NEK9: variants seen among roughly 807,000 people sequenced by gnomAD.
NEK9 encodes the protein serine/threonine-protein kinase Nek9.
NEK9 carries 75 observed loss-of-function variants against 123.4 expected under a neutral mutation model. The ratio of observed to expected loss-of-function variants is 0.61; its 90% CI spans 0.50 to 0.74. The LOEUF is 0.74. NEK9 is among the 30% of genes least tolerant of loss of function. The pLI is 0.00. For missense variants in NEK9, 952 were observed against 1,214.4 expected, an observed-to-expected ratio of 0.78 and a Z score of 3.21; for synonymous variants, 438 against 458.7, an observed-to-expected ratio of 0.95 and a Z score of 0.58.
In NEK9 at chr14:75,124,074, C is replaced by T. The variant is rs56376695; in HGVS notation, c.369G>A (p.Thr123=). 7.4e-4 allele frequency: 1,195 copies of T among 1,613,552 alleles called. 19 individuals carry two copies. The East Asian group carries it at 0.021, about 28-fold the overall frequency. ...TACAATATTCCAGCTCAATCAGCAG[C>T]GTGGTATTGTCCATGAAGTGATTGT... ...AYYNHFMDNT[T]LLIELEYCNG... Residue 123 remains threonine (T), a synonymous_variant, in exon 2 of 22, where the codon ACG becomes ACA. Coordinates refer to ENST00000238616, the MANE Select transcript of NEK9 (RefSeq NM_033116.6).
chr14:75,084,033 C>T lies in NEK9; in HGVS notation c.*531G>A, dbSNP rs1769887977. 6.4e-6 allele frequency: 1 copy of T among 155,826 alleles called. No homozygotes were observed. Among genetic ancestry groups the T allele is most frequent in the Admixed American group, 6.2e-5 (1 of 16,118 alleles). 9.7% of individuals were successfully genotyped at this position (155,826 alleles called of 1,614,324 possible). A position where few individuals can be genotyped will look rare whatever the true frequency, so the allele number is the denominator to read the frequency against. On this transcript the variant is annotated 3_prime_UTR_variant, in exon 22 of 22. Transcript: ENST00000238616. ...CAAGCCCTAGATTGACTCCATCAGA[C>T]ATATTTTCCTGGACTCAGGGCTCCC...
upstream of NEK9, chr14:75,127,149 T>G: frequency 4.3e-6 from 2 of 467,228 alleles, no homozygotes; most frequent in East Asian, 7.3e-5. Context: ...CGGCCAAGGC[T>G]TCCCGCTTTC....
intron 6 of NEK9, among the ~76,000 whole-genome samples, chr14:75,116,176 G>A (rs1895136152): frequency 6.6e-6 from 1 of 152,210 alleles, no homozygotes; most frequent in Non-Finnish European, 1.5e-5. Flanking sequence ...AATATGCTGG[G>A]CATGGGGGCT....
Position 75,117,247 on chromosome 14 carries a change from A to G in NEK9, c.710T>C (p.Val237Ala), listed in dbSNP as rs182154322. The change falls in exon 6 of 22, where the codon GTT (valine) becomes GCT (alanine). Residue 237 changes from valine to alanine, a missense_variant. By Grantham distance (64) the Val-to-Ala change is moderately conservative. Coordinates refer to ENST00000238616, the MANE Select transcript of NEK9 (RefSeq NM_033116.6). ...AAGCAGTTCAAAAATGACGCAGCCA[A>G]CTGCCCAGATATCAGACTTGAAATT... ...KYNFKSDIWA[V>A]GCVIFELLTL... is the part of the protein sequence containing the mutation. 3.1e-6 allele frequency: 5 copies of G among 1,614,122 alleles called. No homozygotes were observed. In the East Asian group the frequency reaches 6.7e-5, roughly 22 times the overall value.
rs779342778 is a variant in NEK9, at chr14:75,097,107, G to A, written c.2166C>T (p.Leu722=). 2 of 1,605,186 alleles carry A rather than the reference G, an allele frequency of 1.2e-6. No homozygotes were observed. Among genetic ancestry groups the A allele is most frequent in the Admixed American group, 1.7e-5 (1 of 58,334 alleles). The change falls in exon 17 of 22, where the codon CTC becomes CTT. Residue 722 remains leucine, a synonymous_variant. Transcript: ENST00000238616. ...DLSCRGWHTI[L]IVEKVLNSKT... The stretch of plus-strand genomic sequence containing the variant: ...GACATATGAAACTCTTACCAACGAT[G>A]AGAATGGTATGCCATCCACGGCAAG...
At chr14:75,122,558 G>A (rs959916072) in intron 2 of NEK9, among the ~76,000 whole-genome samples, 5 of 151,914 alleles carry the variant, frequency 3.3e-5, no homozygotes, top group Admixed American at 6.6e-5. Context: ...TCACCAGGCT[G>A]CAGTGGCATG....
At chr14:75,085,166 C>G (rs1893982767) in intron 21 of NEK9, 1 of 154,974 alleles carries the variant, frequency 6.5e-6, no homozygotes, top group Non-Finnish European at 1.4e-5. Context: ...GCCATCATGC[C>G]CAGTTAGTTT....
Position 75,087,144 on chromosome 14 carries a change from C to T in NEK9, c.2691G>A (p.Val897=). The T allele has an allele frequency of 6.2e-7, 1 of 1,614,182 alleles. No individual in the cohort carries two copies. The highest frequency in any genetic ancestry group is 8.5e-7 in the Non-Finnish European group (1 of 1,180,036). Residue 897 remains valine, a synonymous_variant, in exon 21 of 22, where the codon GTG becomes GTA. Transcript: ENST00000238616. ...PPACACSSLQ[V]EVERLQGLVL... is the part of the protein sequence containing the mutation. ...CCAGACCCTGCAATCTCTCAACCTC[C>T]ACCTGCAGAGAGCTGCACGCACACG...
chr14:75,092,775 G>C (rs1056537209), intron 18 of NEK9, among the ~76,000 whole-genome samples: 3 of 151,634 alleles, frequency 2.0e-5, no homozygotes, highest in African/African-American at 7.3e-5. Flanking sequence ...CAAAGTTAAA[G>C]AAAAATTGCC....
rs175482 is a variant in NEK9, at chr14:75,089,921, T to C, written c.2443-1280A>G. The stretch of plus-strand genomic sequence containing the variant: ...ACCATGTTGGCCAGGATGGTCTTGA[T>C]CTCTTGACCTTGTGATCCGCCCGCC... On this transcript the variant is annotated intron_variant, in intron 19 of 21. Coordinates refer to ENST00000238616, the MANE Select transcript of NEK9 (RefSeq NM_033116.6). Among the ~76,000 whole-genome samples the C allele has an allele frequency of 8.9e-3, 1,357 of 151,858 alleles. 9 individuals carry two copies. The highest frequency in any genetic ancestry group is 0.015 in the Non-Finnish European group (1,010 of 67,886).
chr14:75,114,484 A>G (rs1223490722), intron 6 of NEK9, among the ~76,000 whole-genome samples, 171 bp from the exon 7 acceptor site: 2 of 152,188 alleles, frequency 1.3e-5, no homozygotes, highest in South Asian at 2.1e-4. Context: ...GGATGCACTG[A>G]TGCTATCAGA....
intron 2 of NEK9, among the ~76,000 whole-genome samples, chr14:75,122,675 T>C (rs1895376584): frequency 1.3e-5 from 2 of 151,870 alleles, no homozygotes; most frequent in Admixed American, 1.3e-4. Context: ...CAGCTAATTT[T>C]TGTTATTTTT....
At chr14:75,112,722 TGAG>T (rs909247204) in intron 8 of NEK9, among the ~76,000 whole-genome samples, 4 of 152,144 alleles carry the variant, frequency 2.6e-5, no homozygotes, top group African/African-American at 9.7e-5. Context: ...CCTGGGAGGC[TGAG>T]GTGTGAGAAT....
intron 16 of NEK9, among the ~76,000 whole-genome samples, chr14:75,097,929 A>C (rs565997723): frequency 6.6e-6 from 1 of 152,274 alleles, no homozygotes; most frequent in East Asian, 1.9e-4. Context: ...GGAATAACAG[A>C]AGGGGTCAGG....
At chr14:75,097,580 G>C (rs906075238) in intron 16 of NEK9, among the ~76,000 whole-genome samples, 1 of 152,190 alleles carries the variant, frequency 6.6e-6, no homozygotes, top group Non-Finnish European at 1.5e-5. Flanking sequence ...ACTGCATGGG[G>C]TGATAGAGCA....
At chr14:75,117,859 T>C (rs749013854) in intron 5 of NEK9, among the ~76,000 whole-genome samples, 35 of 152,214 alleles carry the variant, frequency 2.3e-4, no homozygotes, top group Non-Finnish European at 4.9e-4. Flanking sequence ...AATTTGGAAA[T>C]AAAAATGTCC....
intron 1 of NEK9, among the ~76,000 whole-genome samples, chr14:75,125,572 TTA>T (rs1895495723): frequency 1.3e-5 from 2 of 152,236 alleles, no homozygotes; most frequent in Admixed American, 1.3e-4. Context: ...GTATACTGTT[TTA>T]GTTTCTCTAA....
intron 18 of NEK9, among the ~76,000 whole-genome samples, chr14:75,095,075 C>T (rs1566643396): frequency 6.6e-6 from 1 of 152,142 alleles, no homozygotes; most frequent in African/African-American, 2.4e-5. Flanking sequence ...GGACTCATTA[C>T]CCCCTAGAAT....
rs1162745583 is a variant in NEK9 at position 75,080,259 on chromosome 14, G to C, written c.*4305C>G. 6.6e-6 allele frequency: 1 copy of C among 151,566 alleles called. No homozygotes were observed. The highest frequency in any genetic ancestry group is 1.5e-5 in the Non-Finnish European group (1 of 68,008). The allele number at this position is 151,566 out of a possible 1,614,324, so 9.4% of individuals were successfully genotyped here. A position where few individuals can be genotyped will look rare whatever the true frequency, so the allele number is the denominator to read the frequency against. On this transcript the variant is annotated 3_prime_UTR_variant, in exon 22 of 22. Coordinates refer to ENST00000238616, the MANE Select transcript of NEK9 (RefSeq NM_033116.6). ...GCAGGAGAATTGCTTGAACCCAGGAGGCAGAGGTTGCAGTGAGCTGAGATC... is the reference window on the plus strand; with the variant it reads ...GCAGGAGAATTGCTTGAACCCAGGACGCAGAGGTTGCAGTGAGCTGAGATC...
Sources: gnomAD v4.1 joint callset for allele counts (sites outside exome capture counted in the v4.1 genomes callset) on GRCh38, gnomAD v4.1.1 for gene constraint, MANE v1.5 for transcripts, NCBI Gene and HGNC (gene_info 2026-07-23, HGNC 2026-07-21) for gene names.